MAP3K1: variants seen among roughly 807,000 people sequenced by gnomAD.
MAP3K1 encodes the protein MAP/ERK kinase kinase 1.
A neutral mutation model predicts 144.2 loss-of-function variants in MAP3K1; 36 were observed. The ratio of observed to expected loss-of-function variants is 0.25; its 90% CI spans 0.19 to 0.33. The LOEUF (loss-of-function observed/expected upper bound fraction) is 0.33, where lower values mean the gene tolerates loss of function less well. Ranked by LOEUF, MAP3K1 falls within the 10% of genes least tolerant of loss-of-function variation. The pLI is 1.00. For missense variants in MAP3K1, 1,650 were observed against 1,881.9 expected (o/e 0.88, Z 2.28); for synonymous variants, 718 against 688.7 (o/e 1.04, Z -0.67).
intron 15 of MAP3K1, 145 bp downstream of exon 15, chr5:56,883,824 A>G: frequency 2.2e-6 from 2 of 894,950 alleles, no homozygotes; most frequent in Non-Finnish European, 3.6e-6. Context: ...GATGTTTCTA[A>G]AGCACCAGAA....
chr5:56,851,760 T>G (rs1016954828), intron 1 of MAP3K1, among the ~76,000 whole-genome samples: 3 of 152,192 alleles, frequency 2.0e-5, no homozygotes, highest in African/African-American at 7.2e-5. Flanking sequence ...CAGGCAGCTG[T>G]GGAAGCTGGG....
intron 6 of MAP3K1, among the ~76,000 whole-genome samples, chr5:56,868,584 C>T (rs1747750164): frequency 6.6e-6 from 1 of 152,116 alleles, no homozygotes; most frequent in African/African-American, 2.4e-5. Flanking sequence ...CAGGGTTTCA[C>T]CATGTTAACC....
At chr5:56,888,783 C>T (rs861283) in intron 19 of MAP3K1, among the ~76,000 whole-genome samples, 117,681 of 152,094 alleles carry the variant, frequency 0.77, 45,876 homozygotes, top group Non-Finnish European at 0.82. Flanking sequence ...TAATGTTTGG[C>T]AGGTTAGGTG....
At position 56,893,579 on chromosome 5, in the gene MAP3K1, G is replaced by C; in HGVS notation, c.4438G>C (p.Gly1480Arg). The C allele has an allele frequency of 4.3e-6, 7 of 1,613,972 alleles. No individual in the cohort carries two copies. Among genetic ancestry groups the C allele is most frequent in the Middle Eastern group, 1.7e-4 (1 of 6,060 alleles). ...APSIPSHLSPGLRDVALRCLE... is the reference protein window; with the variant it reads ...APSIPSHLSPRLRDVALRCLE... Reference sequence around the variant, plus strand: ...ATCGATCCCTTCACATTTGTCTCCTGGTTTACGAGATGTGGCTCTTCGTTG... The same window carrying C: ...ATCGATCCCTTCACATTTGTCTCCTCGTTTACGAGATGTGGCTCTTCGTTG... The change falls in exon 20 of 20, where the codon GGT becomes CGT. Residue 1480 changes from glycine (G) to arginine (R), a missense_variant. Transcript: ENST00000399503.
chr5:56,875,608 T>C (rs1268822040), intron 10 of MAP3K1, among the ~76,000 whole-genome samples: 1 of 152,136 alleles, frequency 6.6e-6, no homozygotes, highest in African/African-American at 2.4e-5. Context: ...AGTTTCTGTT[T>C]GGGCCAGTAA....
intron 10 of MAP3K1, among the ~76,000 whole-genome samples, chr5:56,876,777 C>T (rs1748046693): frequency 6.6e-6 from 1 of 152,216 alleles, no homozygotes; most frequent in African/African-American, 2.4e-5. Flanking sequence ...AAACTTTCAA[C>T]CATATGCCTG....
Position 56,855,138 on chromosome 5 carries a change from T to C in MAP3K1, c.483-1462T>C, listed in dbSNP as rs983240920. On this transcript the variant is annotated intron_variant, in intron 1 of 19. Coordinates refer to ENST00000399503, the MANE Select transcript of MAP3K1 (RefSeq NM_005921.2). ...CCCTCCTCCTTTTTCTCCTCCTCCT[T>C]TCTTCTCTGCCTTCTTCCCTTCTCT... Among the ~76,000 whole-genome samples, 30 of 124,278 alleles carry C rather than the reference T, an allele frequency of 2.4e-4. 1 individual carries two copies. The highest frequency in any genetic ancestry group is 4.0e-4 in the South Asian group (1 of 2,512). 81.5% of individuals were successfully genotyped at this position (124,278 alleles called of 152,430 possible). A position where few individuals can be genotyped will look rare whatever the true frequency, so the allele number is the denominator to read the frequency against.
Position 56,894,272 on chromosome 5 carries a change from CCATT to C in MAP3K1, c.*597_*600del, listed in dbSNP as rs1336101309. On this transcript the variant is annotated 3_prime_UTR_variant, in exon 20 of 20. Transcript: ENST00000399503. ...GCTCATTGTGCATTTTACTGTTGGC[CCATT>C]CATTTCGTTTTTGGAAATTATGGTT... is the stretch of plus-strand genomic sequence containing the variant. 3.0e-5 allele frequency: 7 copies of C among 232,460 alleles called. No individual in the cohort carries two copies. The highest frequency in any genetic ancestry group is 1.6e-4 in the African/African-American group (7 of 45,118). The allele number at this position is 232,460 out of a possible 1,614,324, so 14.4% of individuals were successfully genotyped here.
Position 56,859,757 on chromosome 5 carries a change from A to G in MAP3K1, c.676A>G (p.Asn226Asp). The G allele has an allele frequency of 1.9e-6, 3 of 1,614,108 alleles. No homozygotes were observed. The South Asian group carries it at 3.3e-5, about 18-fold the overall frequency. The change falls in exon 3 of 20, where the codon AAT (asparagine) becomes GAT (aspartate). Residue 226 changes from asparagine (N) to aspartate (D), a missense_variant. Transcript: ENST00000399503. ...IPVKGDGSEM[N>D]HLAAESPGEV... ...AGTTAAAGGAGATGGATCTGAAATGAATCACTTAGCAGCTGAGTCTCCAGG... is the reference window on the plus strand; with the variant it reads ...AGTTAAAGGAGATGGATCTGAAATGGATCACTTAGCAGCTGAGTCTCCAGG...
chr5:56,881,238 A>T lies in MAP3K1; in HGVS notation c.2335A>T (p.Thr779Ser), dbSNP rs373335136. 2.5e-6 allele frequency: 4 copies of T among 1,613,600 alleles called. No homozygotes were observed. Among genetic ancestry groups the T allele is most frequent in the Non-Finnish European group, 3.4e-6 (4 of 1,179,908 alleles). The stretch of plus-strand genomic sequence containing the variant: ...TGAATTTTATCCTCATATTGTCAGT[A>T]CTGATGTTTCACAAGCTGAGCCTGT... ...PAEFYPHIVSTDVSQAEPVEI... is the reference protein window; with the variant it reads ...PAEFYPHIVSSDVSQAEPVEI... Residue 779 changes from threonine (T) to serine (S), a missense_variant, in exon 13 of 20, where the codon ACT (threonine) becomes TCT (serine). Thr to Ser is a moderately conservative substitution (Grantham distance 58). Around this residue, in one of 6 missense-constraint regions of MAP3K1, gnomAD observed 841 missense variants for 886.5 expected, o/e 0.95. Transcript: ENST00000399503.
intron 1 of MAP3K1, among the ~76,000 whole-genome samples, chr5:56,836,022 G>A (rs897606349): frequency 1.6e-4 from 24 of 152,282 alleles, no homozygotes; most frequent in Middle Eastern, 3.4e-3. Context: ...CTAGGAAGAT[G>A]GCAGTAATGA....
intron 1 of MAP3K1, among the ~76,000 whole-genome samples, chr5:56,820,017 T>C (rs1374989785): frequency 1.3e-5 from 2 of 152,108 alleles, no homozygotes; most frequent in African/African-American, 2.4e-5. Flanking sequence ...TCAGATACTC[T>C]TTTCAGTTTG....
At chr5:56,816,558 G>A (rs1289857049) in intron 1 of MAP3K1, among the ~76,000 whole-genome samples, 1 of 152,112 alleles carries the variant, frequency 6.6e-6, no homozygotes, top group Non-Finnish European at 1.5e-5. Flanking sequence ...CGAAGAGAAA[G>A]TAGCAGGTCC....
intron 11 of MAP3K1, 39 bp downstream of exon 11, chr5:56,879,140 C>G: frequency 6.2e-7 from 1 of 1,613,188 alleles, no homozygotes; most frequent in Non-Finnish European, 8.5e-7. Flanking sequence ...ACCCTCTTGT[C>G]TTAAAAGTGC....
At chr5:56,874,746 AGG>A (rs1472897330) in intron 9 of MAP3K1, among the ~76,000 whole-genome samples, 15 of 152,122 alleles carry the variant, frequency 9.9e-5, no homozygotes, top group Admixed American at 2.0e-4. Flanking sequence ...GGGACAGTAG[AGG>A]CATAGAATGT....
chr5:56,836,623 C>G (rs1270825910), intron 1 of MAP3K1, among the ~76,000 whole-genome samples: 1 of 152,058 alleles, frequency 6.6e-6, no homozygotes, highest in Non-Finnish European at 1.5e-5. Context: ...TTACATGAGG[C>G]TAGTTGTGTG....
At chr5:56,886,980 C>T (rs902079413) in intron 17 of MAP3K1, among the ~76,000 whole-genome samples, 3 of 152,118 alleles carry the variant, frequency 2.0e-5, no homozygotes, top group African/African-American at 7.2e-5. Context: ...CCAGGCTGGT[C>T]TTGAACTCCT....
chr5:56,820,004 T>A (rs1581202814), intron 1 of MAP3K1, among the ~76,000 whole-genome samples: 1 of 152,206 alleles, frequency 6.6e-6, no homozygotes, highest in South Asian at 2.1e-4. Context: ...AGCATGAGAT[T>A]AGTCAGATAC....
At chr5:56,854,576 A>G (rs1272470813) in intron 1 of MAP3K1, among the ~76,000 whole-genome samples, 2 of 152,182 alleles carry the variant, frequency 1.3e-5, no homozygotes, top group Admixed American at 6.6e-5. Context: ...ATTATTTATG[A>G]TAAAAGAAAT....
Sources: gnomAD v4.1 joint callset for allele counts (sites outside exome capture counted in the v4.1 genomes callset) on GRCh38, gnomAD v4.1.1 for gene constraint, gnomAD v4.1.1 regional missense constraint, MANE v1.5 for transcripts, NCBI Gene and HGNC (gene_info 2026-07-23, HGNC 2026-07-21) for gene names.